Variants in TNRC18 observed in about 807,000 individuals in gnomAD.
TNRC18 encodes the protein trinucleotide repeat-containing gene 18 protein.
A neutral mutation model predicts 226.7 loss-of-function variants in TNRC18; 69 were observed. The observed-to-expected ratio is 0.30, with a 90% CI of 0.25 to 0.37. The LOEUF is 0.37. Among genes scored for constraint, TNRC18 ranks in the 10% least tolerant of loss-of-function variants. TNRC18 has a pLI of 1.00. For synonymous variants in TNRC18, 2,449 were observed against 1,927.6 expected (o/e 1.27, Z -7.09); for missense variants, 4,754 against 4,256.6 (o/e 1.12, Z -3.25).
At chr7:5,402,178 C>CAAAAAAAAAAA (rs35794476) in intron 2 of TNRC18, among the ~76,000 whole-genome samples, 2 of 71,332 alleles carry the variant, frequency 2.8e-5, no homozygotes, top group African/African-American at 6.3e-5. Flanking sequence ...GACTCTGTCT[C>CAAAAAAAAAAA]AAAAAAAAAA....
chr7:5,323,458 C>T (rs1288989465), intron 21 of TNRC18, among the ~76,000 whole-genome samples: 1 of 151,744 alleles, frequency 6.6e-6, no homozygotes, highest in African/African-American at 2.4e-5. Context: ...CCCTGCTGCC[C>T]CCATGGCAGC....
In TNRC18 at chr7:5,313,562, G is replaced by A. The variant is rs767894598; in HGVS notation, c.7329C>T (p.Ala2443=). 1.4e-5 allele frequency: 23 copies of A among 1,605,752 alleles called. No homozygotes were observed. Among genetic ancestry groups the A allele is most frequent in the African/African-American group, 8.0e-5 (6 of 74,754 alleles). ...GAGGGCCCTTGGCACCCGACTCCTCGGCTGCCCGCGCCTTCTTGGGCTTGG... is the reference window on the plus strand; with the variant it reads ...GAGGGCCCTTGGCACCCGACTCCTCAGCTGCCCGCGCCTTCTTGGGCTTGG... ...TRPKPKKARA[A]EESGAKGPRR... The change falls in exon 27 of 30, where the codon GCC becomes GCT. Residue 2443 remains alanine (A), a synonymous_variant. Transcript: ENST00000430969.
At chr7:5,362,137 G>A in intron 12 of TNRC18, 104 bp from the exon 13 acceptor site, 1 of 1,417,990 alleles carries the variant, frequency 7.1e-7, no homozygotes, top group South Asian at 1.3e-5. Context: ...ACTGCACTGG[G>A]AGCTGGGGCT....
rs763377781 is a variant in TNRC18 at position 5,378,127 on chromosome 7, G to A, written c.2153-103C>T. ...CCCTCCCTGGGCCCCCCAGAGCCCC[G>A]ACGGTCCTGCACAGCCATCCGTGTA... On this transcript the variant is annotated intron_variant, in intron 5 of 29. Coordinates refer to ENST00000430969, the MANE Select transcript of TNRC18 (RefSeq NM_001080495.3). 1.5e-3 allele frequency: 1,275 copies of A among 874,400 alleles called. 3 individuals are homozygous for A. Among genetic ancestry groups the A allele is most frequent in the Non-Finnish European group, 1.8e-3 (992 of 560,440 alleles). 54.2% of individuals were successfully genotyped at this position (874,400 alleles called of 1,614,324 possible).
In TNRC18 at chr7:5,377,381, T is replaced by C; in HGVS notation, c.2451A>G (p.Gly817=). ...GTGCCCCACACTCACCGTAGGGGTG[T>C]CCAGCGAGCCACATGGATGCGTTGC... The part of the protein sequence containing the change: ...RSGNASMWLA[G]HPYGLGPPSL... Residue 817 remains glycine, a synonymous_variant, in exon 7 of 30, where the codon GGA becomes GGG. Transcript: ENST00000430969. The surrounding 1 kb of genome is among the most constrained non-coding windows in gnomAD (Gnocchi z 5.8). The C allele has an allele frequency of 1.3e-6, 2 of 1,484,882 alleles. No individual in the cohort carries two copies. Among genetic ancestry groups the C allele is most frequent in the Non-Finnish European group, 1.8e-6 (2 of 1,106,264 alleles). The allele number at this position is 1,484,882 out of a possible 1,614,324, so 92.0% of individuals were successfully genotyped here. A position where few individuals can be genotyped will look rare whatever the true frequency, so the allele number is the denominator to read the frequency against.
chr7:5,353,452 C>A (rs529184749), intron 16 of TNRC18, among the ~76,000 whole-genome samples: 1 of 151,108 alleles, frequency 6.6e-6, no homozygotes, highest in Non-Finnish European at 1.5e-5. Flanking sequence ...CCAGCTACTC[C>A]GGAGGCTGAG....
chr7:5,414,541 T>C (rs1441372976), intron 2 of TNRC18, among the ~76,000 whole-genome samples: 1 of 151,784 alleles, frequency 6.6e-6, no homozygotes, highest in African/African-American at 2.4e-5. Context: ...GCCTCCAGAG[T>C]AGCTGGGACT....
chr7:5,346,014 G>A (rs948019643), intron 17 of TNRC18, among the ~76,000 whole-genome samples: 6 of 152,250 alleles, frequency 3.9e-5, no homozygotes, highest in Non-Finnish European at 5.9e-5. Flanking sequence ...AGCCCAACGC[G>A]GGCATCCCAG....
rs565060784 is a variant in TNRC18, at chr7:5,402,039, C to T, written c.188-7444G>A. Among the ~76,000 whole-genome samples, 47 of 152,060 alleles carry T rather than the reference C, an allele frequency of 3.1e-4. 1 individual carries two copies. The highest frequency in any genetic ancestry group is 1.2e-3 in the South Asian group (6 of 4,818). On this transcript the variant is annotated intron_variant, in intron 2 of 29. Transcript: ENST00000430969. ...AAACAAAAAGAAAAAATTAGCTGGG[C>T]GTGGTGGCGGGCCCCTGTAGTCCCA...
At chr7:5,402,432 G>A (rs981306073) in intron 2 of TNRC18, among the ~76,000 whole-genome samples, 2 of 152,098 alleles carry the variant, frequency 1.3e-5, no homozygotes, top group Admixed American at 6.6e-5. Context: ...CTACTCAGGA[G>A]GCTGAGGTGG....
chr7:5,370,781 C>A lies in TNRC18; in HGVS notation c.3813G>T (p.Val1271=). 1 of 1,603,592 alleles carries A rather than the reference C, an allele frequency of 6.2e-7. No homozygotes were observed. The highest frequency in any genetic ancestry group is 8.5e-7 in the Non-Finnish European group (1 of 1,176,014). The change falls in exon 11 of 30, where the codon GTG becomes GTT. Residue 1271 remains valine, a synonymous_variant. Coordinates refer to ENST00000430969, the MANE Select transcript of TNRC18 (RefSeq NM_001080495.3). The part of the protein sequence containing the change: ...PVEVPVAVPV[V]EAVPEEGLAQ... ...CCAGGCCTTCCTCGGGCACTGCCTC[C>A]ACCACGGGCACCGCCACAGGCACCT...
chr7:5,403,170 T>C (rs182158523), intron 2 of TNRC18, among the ~76,000 whole-genome samples: 1 of 151,898 alleles, frequency 6.6e-6, no homozygotes, highest in African/African-American at 2.4e-5. Context: ...CTTCACTTTT[T>C]TTTTTTTTTG....
chr7:5,392,784 G>C (rs922139691), intron 3 of TNRC18, among the ~76,000 whole-genome samples: 2 of 152,266 alleles, frequency 1.3e-5, no homozygotes, highest in African/African-American at 4.8e-5. Context: ...AAGGTGGGAC[G>C]ATCGCTTGAG....
At chr7:5,346,593 G>A (rs35519574) in intron 17 of TNRC18, among the ~76,000 whole-genome samples, 9,967 of 152,240 alleles carry the variant, frequency 0.065, 428 homozygotes, top group South Asian at 0.13. Flanking sequence ...AGGATCACTT[G>A]AGCCCAGGAG....
At chr7:5,348,202 G>A (rs1228805575) in intron 17 of TNRC18, among the ~76,000 whole-genome samples, 1 of 152,196 alleles carries the variant, frequency 6.6e-6, no homozygotes, top group Non-Finnish European at 1.5e-5. Context: ...TCCAAGGACG[G>A]GCAGGTGGAA....
intron 29 of TNRC18, 61 bp from the exon 30 acceptor site, chr7:5,308,373 A>T (rs1786791900): frequency 4.7e-6 from 7 of 1,476,068 alleles, no homozygotes; most frequent in Non-Finnish European, 6.4e-6. Flanking sequence ...AGGGAGCCCC[A>T]GGGAGCCACA....
intron 19 of TNRC18, among the ~76,000 whole-genome samples, chr7:5,328,757 G>A (rs192904146): frequency 0.01 from 1,545 of 151,182 alleles, 19 homozygotes; most frequent in African/African-American, 0.036. Context: ...TGATCCACCC[G>A]CCTCGGCCTC....
chr7:5,376,340 T>G, intron 8 of TNRC18, 116 bp from the exon 9 acceptor site: 2 of 963,414 alleles, frequency 2.1e-6, no homozygotes, highest in Non-Finnish European at 2.9e-6. Flanking sequence ...GGAGCTGGGC[T>G]CTCTGCGGGC....
rs1562651745 is a variant in TNRC18, at chr7:5,421,291, C to T, written c.-45G>A. On this transcript the variant is annotated 5_prime_UTR_variant, in exon 2 of 30. Coordinates refer to ENST00000430969, the MANE Select transcript of TNRC18 (RefSeq NM_001080495.3). ...ATCAGCCCCCCACCCGGCCCGCAGG[C>T]CTAGCTCAGTGGGACCTAAAAGTTC... is the stretch of plus-strand genomic sequence containing the variant. The T allele has an allele frequency of 8.0e-7, 1 of 1,252,528 alleles. No individual in the cohort carries two copies. Among genetic ancestry groups the T allele is most frequent in the Non-Finnish European group, 1.0e-6 (1 of 996,194 alleles). The allele number at this position is 1,252,528 out of a possible 1,614,324, so 77.6% of individuals were successfully genotyped here.
Sources: allele counts gnomAD v4.1 joint callset (sites outside exome capture counted in the v4.1 genomes callset), GRCh38; gene constraint gnomAD v4.1.1; non-coding constraint Gnocchi (gnomAD v3.1); transcripts MANE v1.5; gene names NCBI Gene and HGNC (gene_info 2026-07-23, HGNC 2026-07-21).